The following CSGALNACT1 variants were observed in gnomAD, a reference collection of about 807,000 sequenced individuals.
CSGALNACT1 encodes the protein chondroitin sulfate N-acetylgalactosaminyltransferase 1.
In CSGALNACT1, 52 loss-of-function variants were observed where a neutral mutation model predicts 51.0. The observed-to-expected ratio is 1.02, with a 90% confidence interval of 0.82 to 1.29. The LOEUF (loss-of-function observed/expected upper bound fraction) is 1.29, where lower values mean the gene tolerates loss of function less well. Among genes scored for constraint, CSGALNACT1 ranks in the 50% most tolerant of loss-of-function variants. CSGALNACT1 has a pLI of 0.00. For synonymous variants in CSGALNACT1, 341 were observed against 254.4 expected, an observed-to-expected ratio of 1.34 and a Z score of -3.24; for missense variants, 935 against 679.2, an observed-to-expected ratio of 1.38 and a Z score of -4.19.
intron 3 of CSGALNACT1, among the ~76,000 whole-genome samples, chr8:19,542,062 G>A (rs1405426874): frequency 3.9e-5 from 6 of 152,080 alleles, no homozygotes; most frequent in Non-Finnish European, 7.4e-5. Context: ...CTCTAACCAA[G>A]GAGATTGTCT....
At chr8:19,459,382 C>CAAAAAAAA (rs377411028) in intron 4 of CSGALNACT1, among the ~76,000 whole-genome samples, 4 of 69,186 alleles carry the variant, frequency 5.8e-5, no homozygotes, top group Non-Finnish European at 1.2e-4. Flanking sequence ...AACTTTATCT[C>CAAAAAAAA]AAAAAAAAAA....
chr8:19,591,550 C>T (rs1476384463), intron 2 of CSGALNACT1, among the ~76,000 whole-genome samples: 1 of 152,128 alleles, frequency 6.6e-6, no homozygotes, highest in African/African-American at 2.4e-5. Flanking sequence ...TGGCTACAAG[C>T]CAAACCATCT....
At chr8:19,583,933 C>A (rs2046111229) in intron 3 of CSGALNACT1, among the ~76,000 whole-genome samples, 1 of 152,214 alleles carries the variant, frequency 6.6e-6, no homozygotes, top group Admixed American at 6.5e-5. Flanking sequence ...TGACAGCCAT[C>A]ACTCTATGCA....
At chr8:19,502,620 G>C (rs77903396) in intron 4 of CSGALNACT1, among the ~76,000 whole-genome samples, 2 of 152,098 alleles carry the variant, frequency 1.3e-5, no homozygotes, top group Non-Finnish European at 2.9e-5. Context: ...CATGGATTTT[G>C]AGAAATTGCC....
intron 9 of CSGALNACT1, among the ~76,000 whole-genome samples, chr8:19,406,406 CATT>C (rs71545553): frequency 0.028 from 4,306 of 151,922 alleles, 84 homozygotes; most frequent in Middle Eastern, 0.089. Flanking sequence ...TATTCGGTAG[CATT>C]ATTACTGACA....
intron 1 of CSGALNACT1, among the ~76,000 whole-genome samples, chr8:19,705,836 T>G (rs185473413): frequency 3.9e-5 from 6 of 152,282 alleles, no homozygotes; most frequent in Admixed American, 3.3e-4. Flanking sequence ...ACCATAAACA[T>G]AAAAGTAAAG....
At chr8:19,647,934 G>C (rs767065193) in intron 1 of CSGALNACT1, among the ~76,000 whole-genome samples, 1 of 152,136 alleles carries the variant, frequency 6.6e-6, no homozygotes, top group Non-Finnish European at 1.5e-5. Context: ...GCCAATCTCA[G>C]ACCCTGGGCA....
rs554045735 is a variant in CSGALNACT1 at position 19,614,271 on chromosome 8, A to G, written c.-543-12406T>C. Among the ~76,000 whole-genome samples, 5 of 152,314 alleles carry G rather than the reference A, an allele frequency of 3.3e-5. No homozygotes were observed. In the South Asian group the frequency reaches 1.0e-3, roughly 32 times the overall value. Reference sequence around the variant, plus strand: ...TTTTACTAAAAAATCAAAAACTGAGACTCGAAAGGCTAAATAATGTACGCA... The same window carrying G: ...TTTTACTAAAAAATCAAAAACTGAGGCTCGAAAGGCTAAATAATGTACGCA... On this transcript the variant is annotated intron_variant, in intron 1 of 9. Transcript: ENST00000332246.
chr8:19,560,138 G>A (rs1290301969), intron 3 of CSGALNACT1, among the ~76,000 whole-genome samples: 1 of 152,120 alleles, frequency 6.6e-6, no homozygotes, highest in Non-Finnish European at 1.5e-5. Flanking sequence ...CACGGACCTT[G>A]GGGGACTGAA....
upstream of CSGALNACT1, among the ~76,000 whole-genome samples, chr8:19,605,215 A>T (rs1171212439): frequency 1.3e-5 from 2 of 152,184 alleles, no homozygotes; most frequent in East Asian, 3.9e-4. Context: ...TGACAATGAC[A>T]TCCCTCTGTC....
chr8:19,590,387 G>A (rs978081521), intron 3 of CSGALNACT1, among the ~76,000 whole-genome samples: 10 of 152,096 alleles, frequency 6.6e-5, no homozygotes, highest in African/African-American at 1.4e-4. Context: ...TCCTTTTGGC[G>A]ATATCTTATC....
intron 6 of CSGALNACT1, among the ~76,000 whole-genome samples, chr8:19,425,406 C>G (rs2058620316): frequency 6.6e-6 from 1 of 152,202 alleles, no homozygotes; most frequent in Non-Finnish European, 1.5e-5. Context: ...AACTTCACAA[C>G]CCCGTGTCAC....
chr8:19,690,309 T>A (rs1172216997), intron 1 of CSGALNACT1, among the ~76,000 whole-genome samples: 1 of 152,246 alleles, frequency 6.6e-6, no homozygotes, highest in African/African-American at 2.4e-5. Context: ...TTTAAAATCT[T>A]CGTTATCCAG....
At chr8:19,449,450 T>C (rs1406969119) in intron 5 of CSGALNACT1, among the ~76,000 whole-genome samples, 2 of 152,190 alleles carry the variant, frequency 1.3e-5, no homozygotes, top group Admixed American at 6.5e-5. Flanking sequence ...ATCTCTATCA[T>C]GATCCAACAT....
intron 5 of CSGALNACT1, among the ~76,000 whole-genome samples, chr8:19,452,074 A>G (rs1053534022): frequency 1.3e-5 from 2 of 152,236 alleles, no homozygotes; most frequent in Non-Finnish European, 2.9e-5. Context: ...CCACCAATAA[A>G]TGACCAATGA....
intron 1 of CSGALNACT1, among the ~76,000 whole-genome samples, chr8:19,642,298 G>T (rs749379577): frequency 6.6e-6 from 1 of 152,156 alleles, no homozygotes; most frequent in Non-Finnish European, 1.5e-5. Context: ...CGGTTACAAT[G>T]ACTAAGTTCT....
chr8:19,640,484 C>T (rs1402774938), intron 1 of CSGALNACT1, among the ~76,000 whole-genome samples: 1 of 152,110 alleles, frequency 6.6e-6, no homozygotes, highest in Non-Finnish European at 1.5e-5. Flanking sequence ...CTTTGAGTCC[C>T]AAACACAGCC....
At chr8:19,582,697 A>G (rs2045838156) in intron 3 of CSGALNACT1, among the ~76,000 whole-genome samples, 1 of 152,134 alleles carries the variant, frequency 6.6e-6, no homozygotes, top group Non-Finnish European at 1.5e-5. Flanking sequence ...GATGCTACAG[A>G]CTTTTTTTTA....
intron 1 of CSGALNACT1, among the ~76,000 whole-genome samples, chr8:19,616,286 C>T (rs2052996369): frequency 6.6e-6 from 1 of 152,072 alleles, no homozygotes; most frequent in Non-Finnish European, 1.5e-5. Context: ...TAAGAGAAAG[C>T]CTCAAGTCCA....
Sources: gnomAD v4.1 joint callset for allele counts (sites outside exome capture counted in the v4.1 genomes callset) on GRCh38, gnomAD v4.1.1 for gene constraint, MANE v1.5 for transcripts, NCBI Gene and HGNC (gene_info 2026-07-23, HGNC 2026-07-21) for gene names.